Variants in POLA1 observed in about 807,000 individuals in gnomAD.
The protein encoded by POLA1 is DNA polymerase alpha catalytic subunit.
POLA1 carries 15 observed loss-of-function variants against 124.0 expected under a neutral mutation model. That is an observed-to-expected ratio of 0.12 (90% CI 0.08 to 0.19). The LOEUF is 0.19. Among genes scored for constraint, POLA1 ranks in the 10% least tolerant of loss-of-function variants. The pLI, the probability that POLA1 is intolerant of heterozygous loss-of-function variation, is 1.00. For missense variants in POLA1, 886 were observed against 1,103.4 expected (o/e 0.80, Z 2.79); for synonymous variants, 408 against 389.4 (o/e 1.05, Z -0.56).
intron 30 of POLA1, 49 bp from the exon 31 acceptor site, chrX:24,821,403 A>T: frequency 9.1e-7 from 1 of 1,095,984 alleles, no homozygotes; most frequent in African/African-American, 1.8e-5. Flanking sequence ...ATATCTGTGT[A>T]AGAAGGGTTT....
intron 35 of POLA1, among the ~76,000 whole-genome samples, chrX:24,916,362 A>C (rs762031522): frequency 9.4e-6 from 1 of 106,556 alleles, no homozygotes; most frequent in Non-Finnish European, 1.9e-5. Context: ...GCTCACTGCA[A>C]CCTCCGTCTC....
chrX:24,723,763 C>G (rs1266286168), intron 11 of POLA1, among the ~76,000 whole-genome samples: 1 of 112,608 alleles, frequency 8.9e-6, no homozygotes, highest in African/African-American at 3.2e-5. Context: ...TCACTGCAAC[C>G]TCCGCCTTCT....
chrX:24,749,267 G>A (rs188977977), intron 26 of POLA1, among the ~76,000 whole-genome samples: 1 of 108,402 alleles, frequency 9.2e-6, no homozygotes, highest in African/African-American at 3.4e-5. Context: ...TCCCTGTTAT[G>A]AGGCTTACAT....
chrX:24,960,905 A>G (rs11573502), intron 36 of POLA1, among the ~76,000 whole-genome samples: 5 of 112,400 alleles, frequency 4.4e-5, no homozygotes, highest in Admixed American at 3.8e-4. Flanking sequence ...ATTTTCAGAT[A>G]CTGAAATACT....
At chrX:24,908,459 A>G (rs978806280) in intron 35 of POLA1, among the ~76,000 whole-genome samples, 13 of 94,830 alleles carry the variant, frequency 1.4e-4, no homozygotes, top group Non-Finnish European at 1.8e-4. Flanking sequence ...TCATTGGTCA[A>G]TTCCCACCTA....
At chrX:24,824,402 C>A (rs1352805182) in intron 31 of POLA1, among the ~76,000 whole-genome samples, 1 of 108,747 alleles carries the variant, frequency 9.2e-6, no homozygotes, top group Admixed American at 9.9e-5. Flanking sequence ...AAATGATCCT[C>A]CCACTTTAGC....
rs767572103 is a variant in POLA1 at position 24,786,885 on chromosome X, C to T, written c.2965-23013C>T. 4.7e-5 allele frequency among the ~76,000 whole-genome samples: 5 copies of T among 106,790 alleles called. No homozygotes were observed. In the South Asian group the frequency reaches 1.7e-3, roughly 37 times the overall value. The allele number at this position is 106,790 out of a possible 115,157, so 92.7% of individuals were successfully genotyped here. A position where few individuals can be genotyped will look rare whatever the true frequency, so the allele number is the denominator to read the frequency against. On this transcript the variant is annotated intron_variant, in intron 26 of 36. Coordinates refer to ENST00000379068, the MANE Select transcript of POLA1 (RefSeq NM_001330360.2). ...ATTTTTTTTAAAGATGGGGTTTTGCCATGTTGCTCAGGCTGGTCTTGAACT... is the reference window on the plus strand; with the variant it reads ...ATTTTTTTTAAAGATGGGGTTTTGCTATGTTGCTCAGGCTGGTCTTGAACT...
At chrX:24,891,097 T>TA (rs1388359854) in intron 35 of POLA1, among the ~76,000 whole-genome samples, 4 of 112,689 alleles carry the variant, frequency 3.5e-5, no homozygotes, top group Admixed American at 9.4e-5. Flanking sequence ...ATTAGACCGA[T>TA]ACATTTCGAG....
chrX:24,775,321 G>T (rs1441731612), intron 26 of POLA1: 1 of 112,063 alleles, frequency 8.9e-6, no homozygotes, highest in Non-Finnish European at 1.9e-5. Context: ...ATGCTGTACA[G>T]TGAGAAGCCG....
chrX:24,908,697 G>A (rs2047402180), intron 35 of POLA1, among the ~76,000 whole-genome samples: 1 of 110,912 alleles, frequency 9.0e-6, no homozygotes, highest in Admixed American at 9.6e-5. Flanking sequence ...ATAAACACAC[G>A]TGTGCATGTG....
chrX:24,967,347 G>GTATGCTGA (rs1282334800), intron 36 of POLA1, among the ~76,000 whole-genome samples: 1 of 110,328 alleles, frequency 9.1e-6, no homozygotes, highest in African/African-American at 3.3e-5. Context: ...GTAGAGATTT[G>GTATGCTGA]TATGCTGATT....
chrX:24,815,248 C>T (rs1417709552), intron 30 of POLA1, 137 bp downstream of exon 30: 7 of 554,691 alleles, frequency 1.3e-5, no homozygotes, highest in Non-Finnish European at 2.0e-5. Context: ...AACTATCTCA[C>T]AGATTGAGTA....
At chrX:24,932,914 G>A (rs1297851369) in intron 36 of POLA1, among the ~76,000 whole-genome samples, 1 of 111,527 alleles carries the variant, frequency 9.0e-6, no homozygotes, top group Admixed American at 9.5e-5. Context: ...TAAGTGGTGG[G>A]ATATAAACCA....
intron 34 of POLA1, among the ~76,000 whole-genome samples, chrX:24,873,387 A>G (rs2046892023): frequency 8.9e-6 from 1 of 112,046 alleles, no homozygotes; most frequent in African/African-American, 3.2e-5. Flanking sequence ...TACAGTCCTT[A>G]CAGATATTAT....
intron 26 of POLA1, among the ~76,000 whole-genome samples, chrX:24,769,489 C>T (rs1308065844): frequency 9.0e-6 from 1 of 111,498 alleles, no homozygotes; most frequent in Non-Finnish European, 1.9e-5. Flanking sequence ...AATCAGATTC[C>T]TAGAGTCAGG....
intron 34 of POLA1, among the ~76,000 whole-genome samples, chrX:24,880,132 T>C (rs753856907): frequency 4.5e-5 from 5 of 112,053 alleles, no homozygotes; most frequent in African/African-American, 1.6e-4. Flanking sequence ...AGTGCTATTC[T>C]GTGTGTTTAA....
chrX:24,835,766 T>C (rs1299421951), intron 32 of POLA1, among the ~76,000 whole-genome samples: 1 of 111,571 alleles, frequency 9.0e-6, no homozygotes, highest in Non-Finnish European at 1.9e-5. Flanking sequence ...TTTTATATTT[T>C]CTAAAATATA....
intron 26 of POLA1, among the ~76,000 whole-genome samples, chrX:24,800,437 G>GT (rs1420796354): frequency 3.4e-4 from 36 of 105,644 alleles, no homozygotes; most frequent in Admixed American, 8.1e-4. Flanking sequence ...TTAGGTTTTT[G>GT]TTTTTTTTTT....
At chrX:24,817,607 C>CAAAAAAAAAAAAAAAAAAAAA in intron 30 of POLA1, among the ~76,000 whole-genome samples, 1 of 33,481 alleles carries the variant, frequency 3.0e-5, no homozygotes, top group Non-Finnish European at 6.1e-5. Context: ...GATTCCATCT[C>CAAAAAAAAAAAAAAAAAAAAA]AAAAAAAAAA....
Sources: allele counts gnomAD v4.1 joint callset (sites outside exome capture counted in the v4.1 genomes callset), GRCh38; gene constraint gnomAD v4.1.1; transcripts MANE v1.5; gene names NCBI Gene and HGNC (gene_info 2026-07-23, HGNC 2026-07-21).